The following SLCO4A1 variants were observed in gnomAD, a reference collection of about 807,000 sequenced individuals.
SLCO4A1 encodes solute carrier organic anion transporter family member 4A1, also known as colon organic anion transporter.
A neutral mutation model predicts 64.6 loss-of-function variants in SLCO4A1; 51 were observed. The ratio of observed to expected loss-of-function variants is 0.79; its 90% CI spans 0.63 to 1.00. The LOEUF (loss-of-function observed/expected upper bound fraction) is 1.00. Among genes scored for constraint, SLCO4A1 ranks in the 50% least tolerant of loss-of-function variants. The probability of loss-of-function intolerance (pLI) is 0.00; values close to 1 mark genes in which losing one functional copy is unlikely to be tolerated. For synonymous variants in SLCO4A1, 471 were observed against 444.9 expected (o/e 1.06, Z -0.74); for missense variants, 919 against 980.5 (o/e 0.94, Z 0.84).
intron 7 of SLCO4A1, chr20:62,666,805 G>A (rs773131699): frequency 6.0e-5 from 34 of 568,456 alleles, no homozygotes; most frequent in African/African-American, 9.4e-5. Flanking sequence ...CTGTGCCCCC[G>A]GGCAGTCATA....
At chr20:62,670,105 T>G (rs1173663375) in intron 11 of SLCO4A1, 1 of 152,280 alleles carries the variant, frequency 6.6e-6, no homozygotes, top group Non-Finnish European at 1.5e-5. Context: ...TTTGTCCAAC[T>G]TTGGAAGAAG....
intron 11 of SLCO4A1, chr20:62,669,989 A>T (rs1986999211): frequency 6.6e-6 from 1 of 152,264 alleles, no homozygotes; most frequent in African/African-American, 2.4e-5. Flanking sequence ...TGAATGTATT[A>T]AATAGGAAAT....
intron 5 of SLCO4A1, chr20:62,663,363 G>A (rs1985424347): frequency 6.6e-6 from 1 of 152,212 alleles, no homozygotes; most frequent in Admixed American, 6.5e-5. Context: ...TGGCCGAGAG[G>A]AAAGAGCCGC....
chr20:62,664,342 A>G (rs1985669033), intron 5 of SLCO4A1, among the ~76,000 whole-genome samples: 1 of 152,086 alleles, frequency 6.6e-6, no homozygotes, highest in South Asian at 2.1e-4. Flanking sequence ...GAGGGTTCGA[A>G]TCCCAGTGGC....
In SLCO4A1 at chr20:62,669,066, G is replaced by A; in HGVS notation, c.2013G>A (p.Gly671=). ...SAMSRYILIM[G]LLYKVLGVLF... ...TGAGCCGCTACATACTCATCATGGG[G>A]CTCCTGTACAAGGTAAGCAGGCCCA... The change falls in exon 11 of 12, where the codon GGG becomes GGA. Residue 671 remains glycine, a synonymous_variant. Transcript: ENST00000217159. The A allele has an allele frequency of 6.2e-7, 1 of 1,610,450 alleles. No homozygotes were observed. Among genetic ancestry groups the A allele is most frequent in the Non-Finnish European group, 8.5e-7 (1 of 1,179,936 alleles).
At chr20:62,651,875 C>T (rs1368366293) in intron 1 of SLCO4A1, 2 of 152,304 alleles carry the variant, frequency 1.3e-5, no homozygotes, top group African/African-American at 4.8e-5. Context: ...GAGGCAAGCC[C>T]AGTGCCCGGG....
Position 62,671,757 on chromosome 20 carries a change from G to T in SLCO4A1, c.2033G>T (p.Gly678Val). Reference sequence around the variant, plus strand: ...GGGCTCCTCTCTCCCCAGGTGCTGGGCGTCCTCTTCTTTGCCATAGCCTGC... The same window carrying T: ...GGGCTCCTCTCTCCCCAGGTGCTGGTCGTCCTCTTCTTTGCCATAGCCTGC... ...LIMGLLYKVLGVLFFAIACFL... is the reference protein window; with the variant it reads ...LIMGLLYKVLVVLFFAIACFL... The change falls in exon 12 of 12, where the codon GGC becomes GTC. Residue 678 changes from glycine (G) to valine (V), a missense_variant. By Grantham distance (109) the Gly-to-Val change is moderately radical. Coordinates refer to ENST00000217159, the MANE Select transcript of SLCO4A1 (RefSeq NM_016354.4). 3 of 1,613,288 alleles carry T rather than the reference G, an allele frequency of 1.9e-6. No homozygotes were observed. The highest frequency in any genetic ancestry group is 1.7e-6 in the Non-Finnish European group (2 of 1,179,812).
At chr20:62,676,698 T>C (rs1324560519), downstream of SLCO4A1, among the ~76,000 whole-genome samples, 1 of 152,156 alleles carries the variant, frequency 6.6e-6, no homozygotes, top group Non-Finnish European at 1.5e-5. Context: ...TGTAAAACGG[T>C]AAAATGGCAC....
intron 5 of SLCO4A1, 44 bp from the exon 6 acceptor site, chr20:62,664,890 A>G: frequency 6.5e-7 from 1 of 1,535,836 alleles, no homozygotes; most frequent in East Asian, 2.3e-5. Flanking sequence ...TCTGCCCACC[A>G]CTCTGACCCT....
Position 62,661,861 on chromosome 20 carries a change from A to G in SLCO4A1, c.1121+686A>G, listed in dbSNP as rs1460507072. On this transcript the variant is annotated intron_variant, in intron 5 of 11. Transcript: ENST00000217159. The surrounding 1 kb of genome is among the most constrained non-coding windows in gnomAD (Gnocchi z 5.2). ...GGGCCCTGAGCCGGTGGGGTCCTAG[A>G]GGGACAACAGAGGGGCCCGGGCCCT... 6.6e-6 allele frequency among the ~76,000 whole-genome samples: 1 copy of G among 151,214 alleles called. No homozygotes were observed. Among genetic ancestry groups the G allele is most frequent in the African/African-American group, 2.4e-5 (1 of 41,040 alleles).
At chr20:62,649,311 C>A (rs576025868) in intron 1 of SLCO4A1, 1 of 152,364 alleles carries the variant, frequency 6.6e-6, no homozygotes, top group Non-Finnish European at 1.5e-5. Context: ...TATGTAGGCC[C>A]CCAACTGATT....
chr20:62,664,189 C>T (rs1985630897), intron 5 of SLCO4A1, among the ~76,000 whole-genome samples: 1 of 152,018 alleles, frequency 6.6e-6, no homozygotes, highest in African/African-American at 2.4e-5. Flanking sequence ...CCAGACGGCT[C>T]AGAGTTCCCA....
At chr20:62,669,219 C>G in intron 11 of SLCO4A1, 141 bp downstream of exon 11, 1 of 833,588 alleles carries the variant, frequency 1.2e-6, no homozygotes, top group Non-Finnish European at 1.9e-6. Flanking sequence ...AAGGCCCTTC[C>G]CACATTCCTC....
intron 2 of SLCO4A1, among the ~76,000 whole-genome samples, chr20:62,680,186 G>T (rs1987763986): frequency 1.3e-5 from 2 of 152,178 alleles, no homozygotes; most frequent in Non-Finnish European, 2.9e-5. Flanking sequence ...CCCTCTGCTG[G>T]TGTATAGAGA....
chr20:62,686,642 T>C (rs978299979), downstream of SLCO4A1, among the ~76,000 whole-genome samples: 3 of 152,204 alleles, frequency 2.0e-5, no homozygotes, highest in Non-Finnish European at 4.4e-5. Flanking sequence ...AATATTTTAT[T>C]ATAAGGTGAA....
Position 62,681,507 on chromosome 20 carries a change from C to T in SLCO4A1, n.212-3934C>T, listed in dbSNP as rs112403607. Among the ~76,000 whole-genome samples, 186 of 112,954 alleles carry T rather than the reference C, an allele frequency of 1.6e-3. 1 individual carries two copies. The highest frequency in any genetic ancestry group is 1.6e-3 in the African/African-American group (47 of 28,794). The allele number at this position is 112,954 out of a possible 152,430, so 74.1% of individuals were successfully genotyped here. On this transcript the variant is annotated intron_variant and non_coding_transcript_variant, in intron 2 of 2. Transcript: ENST00000466818. ...AGCTGTGTGTACACACTCATGTGTGCGCGTGTTTATTAAGCCGTGTGTACA... is the reference window on the plus strand; with the variant it reads ...AGCTGTGTGTACACACTCATGTGTGTGCGTGTTTATTAAGCCGTGTGTACA...
chr20:62,645,525 C>T lies in SLCO4A1; in HGVS notation c.-97+2972C>T, dbSNP rs549524888. ...CCTCACCCTCATCCTCACCCGCAGC[C>T]TCACCCTCAGTCCTCAGACACTGGG... On this transcript the variant is annotated intron_variant, in intron 1 of 11. Transcript: ENST00000217159. The surrounding 1 kb of genome is among the most constrained non-coding windows in gnomAD (Gnocchi z 4.2). Among the ~76,000 whole-genome samples the T allele has an allele frequency of 2.0e-5, 3 of 150,024 alleles. No homozygotes were observed. In the East Asian group the frequency reaches 6.1e-4, roughly 30 times the overall value.
At chr20:62,670,519 G>T (rs1200875019) in intron 11 of SLCO4A1, among the ~76,000 whole-genome samples, 2 of 152,250 alleles carry the variant, frequency 1.3e-5, no homozygotes, top group African/African-American at 2.4e-5. Flanking sequence ...GCCTCCTTCA[G>T]CGAGAAGGTG....
chr20:62,668,922 C>T lies in SLCO4A1; in HGVS notation c.1877-8C>T. ...GAGTGTGGGTGCTGAGTGGGCTTCT[C>T]TCCGCAGGGGGCATCCCGGGGCCCA... On this transcript the variant is annotated splice_polypyrimidine_tract_variant and splice_region_variant and intron_variant, in intron 10 of 11. Coordinates refer to ENST00000217159, the MANE Select transcript of SLCO4A1 (RefSeq NM_016354.4). 3.7e-6 allele frequency: 6 copies of T among 1,600,594 alleles called. No individual in the cohort carries two copies. The highest frequency in any genetic ancestry group is 5.1e-6 in the Non-Finnish European group (6 of 1,179,132).
Sources: allele counts gnomAD v4.1 joint callset (sites outside exome capture counted in the v4.1 genomes callset), GRCh38; gene constraint gnomAD v4.1.1; non-coding constraint Gnocchi (gnomAD v3.1); transcripts MANE v1.5; gene names NCBI Gene and HGNC (gene_info 2026-07-23, HGNC 2026-07-21).